Variants in CYLD observed in about 807,000 individuals in gnomAD.
CYLD encodes the protein CYLD lysine 63 deubiquitinase.
CYLD carries 26 observed loss-of-function variants against 104.5 expected under a neutral mutation model. The observed-to-expected ratio is 0.25, with a 90% confidence interval of 0.18 to 0.35. The LOEUF is 0.35. Among genes scored for constraint, CYLD ranks in the 10% least tolerant of loss-of-function variants. The pLI is 1.00. For synonymous variants in CYLD, 385 were observed against 399.9 expected (o/e 0.96, Z 0.45); for missense variants, 703 against 1,136.1 (o/e 0.62, Z 5.48).
intron 5 of CYLD, among the ~76,000 whole-genome samples, chr16:50,762,304 A>G (rs1260138611): frequency 1.3e-5 from 2 of 152,210 alleles, no homozygotes; most frequent in African/African-American, 4.8e-5. Flanking sequence ...TCAAAATAGT[A>G]GTCTTCTTGA....
At position 50,749,708 on chromosome 16, in the gene CYLD, G is replaced by C. The variant is rs1966465873; in HGVS notation, c.10G>C (p.Gly4Arg). 6.2e-7 allele frequency: 1 copy of C among 1,613,506 alleles called. No homozygotes were observed. Among genetic ancestry groups the C allele is most frequent in the Non-Finnish European group, 8.5e-7 (1 of 1,179,994 alleles). The change falls in exon 3 of 19, where the codon GGC (glycine) becomes CGC (arginine). Residue 4 changes from glycine to arginine, a missense_variant. Physicochemically the swap from Gly to Arg is moderately radical, Grantham distance 125 (BLOSUM62 -2). Around this residue, in one of 5 missense-constraint regions of CYLD, gnomAD observed 142 missense variants for 165.1 expected, o/e 0.86. Coordinates refer to ENST00000427738, the MANE Select transcript of CYLD (RefSeq NM_001378743.1). ...TGAAGTTAATATCACAATGAGTTCAGGCTTATGGAGCCAAGAAAAAGTCAC... is the reference window on the plus strand; with the variant it reads ...TGAAGTTAATATCACAATGAGTTCACGCTTATGGAGCCAAGAAAAAGTCAC... MSSGLWSQEKVTSP... is the reference protein window; with the variant it reads MSSRLWSQEKVTSP...
At chr16:50,754,909 A>T (rs7197362) in intron 5 of CYLD, among the ~76,000 whole-genome samples, 2,086 of 149,170 alleles carry the variant, frequency 0.014, 62 homozygotes, top group African/African-American at 0.049. Context: ...ATATACACAC[A>T]TATATGTATA....
Position 50,797,685 on chromosome 16 carries a change from G to T in CYLD, c.*1177G>T. ...TGCATTCTCTGAGTGTTGTTTTGTGGTATCATTGTCTTTCCTGAATGACTT... is the reference window on the plus strand; with the variant it reads ...TGCATTCTCTGAGTGTTGTTTTGTGTTATCATTGTCTTTCCTGAATGACTT... On this transcript the variant is annotated 3_prime_UTR_variant, in exon 19 of 19. Transcript: ENST00000427738. 4.3e-6 allele frequency: 1 copy of T among 232,860 alleles called. No homozygotes were observed. Among genetic ancestry groups the T allele is most frequent in the East Asian group, 6.0e-5 (1 of 16,614 alleles). 14.4% of individuals were successfully genotyped at this position (232,860 alleles called of 1,614,324 possible). A position where few individuals can be genotyped will look rare whatever the true frequency, so the allele number is the denominator to read the frequency against.
At chr16:50,793,801 TTTGCCTTTTCTG>T (rs1190469219) in intron 17 of CYLD, 137 bp downstream of exon 17, 117 of 709,984 alleles carry the variant, frequency 1.6e-4, no homozygotes, top group Non-Finnish European at 2.0e-4. Context: ...TGGTATTGCT[TTTGCCTTTTCTG>T]TTTACTTGAG....
Position 50,749,799 on chromosome 16 carries a change from A to G in CYLD, c.101A>G (p.Gln34Arg). ...CAAGAATGCAGCGTTACAGACAAAC[A>G]AACACAAAAGCTCCTTAAAGTACCG... ...LLQECSVTDK[Q>R]TQKLLKVPKG... The change falls in exon 3 of 19, where the codon CAA becomes CGA. Residue 34 changes from glutamine (Q) to arginine (R), a missense_variant. Gln to Arg is a conservative substitution (Grantham distance 43). Around this residue, in one of 5 missense-constraint regions of CYLD, gnomAD observed 142 missense variants for 165.1 expected, o/e 0.86. Transcript: ENST00000427738. 1 of 1,614,062 alleles carries G rather than the reference A, an allele frequency of 6.2e-7. No individual in the cohort carries two copies. The highest frequency in any genetic ancestry group is 8.5e-7 in the Non-Finnish European group (1 of 1,179,998).
At chr16:50,743,053 C>T (rs1041360377) in intron 2 of CYLD, among the ~76,000 whole-genome samples, 16 of 152,094 alleles carry the variant, frequency 1.1e-4, no homozygotes, top group Non-Finnish European at 2.2e-4. Flanking sequence ...TTCCAGCCAC[C>T]AAGCCTGTGG....
intron 16 of CYLD, among the ~76,000 whole-genome samples, chr16:50,793,163 T>C (rs773039230): frequency 1.3e-5 from 2 of 152,048 alleles, no homozygotes; most frequent in African/African-American, 2.4e-5. Flanking sequence ...TATATACCTA[T>C]GTAAATATTC....
chr16:50,781,743 C>G lies in CYLD; in HGVS notation c.1684+332C>G, dbSNP rs115401219. ...CTTCTTTTTTTTTTTTACTGACTTC[C>G]CTCACAGTGTCTTGTTTACAGCAGT... On this transcript the variant is annotated intron_variant, in intron 10 of 18. Coordinates refer to ENST00000427738, the MANE Select transcript of CYLD (RefSeq NM_001378743.1). Among the ~76,000 whole-genome samples the G allele has an allele frequency of 3.2e-3, 493 of 151,746 alleles. 1 individual carries two copies. Among genetic ancestry groups the G allele is most frequent in the African/African-American group, 0.011 (467 of 41,368 alleles).
chr16:50,778,194 G>T (rs999204025), intron 8 of CYLD: 1 of 357,888 alleles, frequency 2.8e-6, no homozygotes, highest in East Asian at 5.2e-5. Flanking sequence ...GAAGATTTCT[G>T]TCTGGTTCCT....
At chr16:50,742,997 T>C (rs2150868624) in intron 2 of CYLD, among the ~76,000 whole-genome samples, 156 bp downstream of exon 2, 1 of 152,142 alleles carries the variant, frequency 6.6e-6, no homozygotes, top group East Asian at 1.9e-4. Context: ...TGGCATCGTT[T>C]CTCTTCCACC....
intron 5 of CYLD, among the ~76,000 whole-genome samples, chr16:50,771,414 G>T (rs1014101084): frequency 4.6e-5 from 7 of 152,102 alleles, no homozygotes; most frequent in Admixed American, 3.3e-4. Context: ...TTTTTCAGTC[G>T]ATGGACGTCA....
At position 50,800,473 on chromosome 16, in the gene CYLD, G is replaced by A. The variant is rs754769791; in HGVS notation, c.*3965G>A. ...TTGTGTAAGAAATGCATTTTAGTCT[G>A]TGTACCTCAACCTGCTGTTTGTTTC... On this transcript the variant is annotated 3_prime_UTR_variant, in exon 19 of 19. Coordinates refer to ENST00000427738, the MANE Select transcript of CYLD (RefSeq NM_001378743.1). The A allele has an allele frequency of 1.3e-5, 3 of 233,068 alleles. No homozygotes were observed. The highest frequency in any genetic ancestry group is 2.5e-5 in the Non-Finnish European group (3 of 117,956). 14.4% of individuals were successfully genotyped at this position (233,068 alleles called of 1,614,324 possible).
chr16:50,798,539 C>T lies in CYLD; in HGVS notation c.*2031C>T. ...ATTGAGCATCTTCAGATGTTGGTAT[C>T]TGCAGGGATCCTGGAACCAAACCCC... On this transcript the variant is annotated 3_prime_UTR_variant, in exon 19 of 19. Transcript: ENST00000427738. The T allele has an allele frequency of 4.3e-6, 1 of 231,370 alleles. No homozygotes were observed. The highest frequency in any genetic ancestry group is 8.5e-6 in the Non-Finnish European group (1 of 117,504). 14.3% of individuals were successfully genotyped at this position (231,370 alleles called of 1,614,324 possible). A position where few individuals can be genotyped will look rare whatever the true frequency, so the allele number is the denominator to read the frequency against.
chr16:50,787,220 G>C lies in CYLD; in HGVS notation c.2041+274G>C, dbSNP rs143510260. On this transcript the variant is annotated intron_variant, in intron 13 of 18. Transcript: ENST00000427738. ...AGTCCTTTCCTTTCCACCTAGCAAT[G>C]ATATTCTCAGTTGTTTCTCTCTTGT... 9.6e-4 allele frequency: 399 copies of C among 416,200 alleles called. 2 individuals are homozygous for C. The highest frequency in any genetic ancestry group is 7.2e-3 in the African/African-American group (359 of 49,650). 25.8% of individuals were successfully genotyped at this position (416,200 alleles called of 1,614,324 possible).
intron 5 of CYLD, among the ~76,000 whole-genome samples, chr16:50,764,339 T>C (rs1567434478): frequency 1.3e-5 from 2 of 152,194 alleles, no homozygotes; most frequent in African/African-American, 4.8e-5. Context: ...TGATGAAATA[T>C]CCTTTAACAT....
chr16:50,784,297 G>A, intron 11 of CYLD, 32 bp from the exon 12 acceptor site: 4 of 1,608,950 alleles, frequency 2.5e-6, no homozygotes, highest in Non-Finnish European at 3.4e-6. Flanking sequence ...TATGTTTACA[G>A]CATGAAGAAA....
At chr16:50,761,107 G>T (rs1166878821) in intron 5 of CYLD, among the ~76,000 whole-genome samples, 1 of 152,114 alleles carries the variant, frequency 6.6e-6, no homozygotes, top group Non-Finnish European at 1.5e-5. Flanking sequence ...TGCATCTGTT[G>T]CCTATTTTTA....
intron 8 of CYLD, among the ~76,000 whole-genome samples, chr16:50,779,228 A>G (rs533433370): frequency 1.3e-5 from 2 of 152,132 alleles, no homozygotes; most frequent in African/African-American, 2.4e-5. Context: ...ATAAGTATTA[A>G]TTTAGCCATG....
At chr16:50,743,629 G>T (rs1179440511) in intron 2 of CYLD, among the ~76,000 whole-genome samples, 1 of 152,114 alleles carries the variant, frequency 6.6e-6, no homozygotes. Flanking sequence ...GAAAGGAATA[G>T]TTATGTTGTT....
Sources: gnomAD v4.1 joint callset for allele counts (sites outside exome capture counted in the v4.1 genomes callset) on GRCh38, gnomAD v4.1.1 for gene constraint, gnomAD v4.1.1 regional missense constraint, MANE v1.5 for transcripts, NCBI Gene and HGNC (gene_info 2026-07-23, HGNC 2026-07-21) for gene names.